NRG1: variants seen among roughly 807,000 people sequenced by gnomAD.
NRG1 encodes pro-neuregulin-1, membrane-bound isoform.
NRG1 carries 18 observed loss-of-function variants against 63.8 expected under a neutral mutation model. The ratio of observed to expected loss-of-function variants is 0.28; its 90% CI spans 0.19 to 0.42. The LOEUF (loss-of-function observed/expected upper bound fraction) is 0.42. Ranked by LOEUF, NRG1 falls within the 10% of genes least tolerant of loss-of-function variation. The probability of loss-of-function intolerance (pLI) is 1.00; values close to 1 mark genes in which losing one functional copy is unlikely to be tolerated. For missense variants in NRG1, 762 were observed against 814.7 expected (o/e 0.94, Z 0.79); for synonymous variants, 302 against 301.3 (o/e 1.00, Z -0.02).
chr8:32,560,177 A>G (rs1210145780), intron 1 of NRG1, among the ~76,000 whole-genome samples: 1 of 151,556 alleles, frequency 6.6e-6, no homozygotes, highest in Non-Finnish European at 1.5e-5. Context: ...ACTTTAAATT[A>G]TTTTATTTAT....
intron 2 of NRG1, among the ~76,000 whole-genome samples, chr8:32,603,570 C>T (rs932219283): frequency 1.3e-5 from 2 of 151,950 alleles, no homozygotes; most frequent in East Asian, 1.9e-4. Context: ...CTCTGCCTCC[C>T]GGATTCAAAT....
chr8:32,608,622 C>A (rs1845763875), intron 3 of NRG1, among the ~76,000 whole-genome samples: 1 of 152,184 alleles, frequency 6.6e-6, no homozygotes, highest in Non-Finnish European at 1.5e-5. Flanking sequence ...TGGCGAAGAA[C>A]TAGAACTTCA....
intron 1 of NRG1, among the ~76,000 whole-genome samples, chr8:32,156,276 T>A (rs1177590598): frequency 2.0e-5 from 3 of 152,250 alleles, no homozygotes; most frequent in Admixed American, 2.0e-4. Flanking sequence ...TTTGTACTGA[T>A]GGTCATGTTC....
intron 1 of NRG1, among the ~76,000 whole-genome samples, chr8:32,159,715 G>A (rs1239618833): frequency 3.3e-5 from 5 of 151,940 alleles, no homozygotes; most frequent in African/African-American, 4.8e-5. Context: ...TTGTGAAAAA[G>A]GCTTACATTA....
intron 5 of NRG1, among the ~76,000 whole-genome samples, chr8:32,706,158 C>G (rs779246550): frequency 6.6e-6 from 1 of 152,186 alleles, no homozygotes; most frequent in African/African-American, 2.4e-5. Context: ...ATCTTTGTCT[C>G]TAATGGATCT....
chr8:31,675,078 C>T (rs752203076), intron 1 of NRG1, among the ~76,000 whole-genome samples: 4 of 152,226 alleles, frequency 2.6e-5, no homozygotes, highest in African/African-American at 4.8e-5. Flanking sequence ...CACAGTGGCT[C>T]ATGCCTGTAA....
chr8:32,400,508 A>G (rs969537322), intron 1 of NRG1, among the ~76,000 whole-genome samples: 1 of 152,232 alleles, frequency 6.6e-6, no homozygotes, highest in Non-Finnish European at 1.5e-5. Flanking sequence ...ACTTTTCAAG[A>G]GAAGATATAC....
chr8:32,669,243 T>C (rs901554658), intron 5 of NRG1, among the ~76,000 whole-genome samples: 14 of 152,178 alleles, frequency 9.2e-5, no homozygotes, highest in African/African-American at 3.1e-4. Flanking sequence ...AAAGATAGAA[T>C]AAAGCATGTA....
intron 1 of NRG1, among the ~76,000 whole-genome samples, chr8:31,965,579 T>C (rs1051112889): frequency 6.6e-6 from 1 of 152,196 alleles, no homozygotes. Context: ...CCAGTAGTGG[T>C]ATTGCTAGGT....
intron 1 of NRG1, among the ~76,000 whole-genome samples, chr8:32,490,086 T>C (rs970416078): frequency 2.6e-5 from 4 of 152,204 alleles, no homozygotes; most frequent in Admixed American, 6.5e-5. Flanking sequence ...GGAGGATATC[T>C]TGAGCTTAGG....
At position 32,221,514 on chromosome 8, in the gene NRG1, A is replaced by G. The variant is rs183431971; in HGVS notation, c.38-374314A>G. Among the ~76,000 whole-genome samples, 3 of 152,344 alleles carry G rather than the reference A, an allele frequency of 2.0e-5. No individual in the cohort carries two copies. In the East Asian group the frequency reaches 5.8e-4, roughly 29 times the overall value. ...AATAGTAAGATGGGGTAAGGCAAAT[A>G]CATAGATATTTTGGAGATCTTATCC... is the stretch of plus-strand genomic sequence containing the variant. On this transcript the variant is annotated intron_variant, in intron 1 of 10. Transcript: ENST00000519301.
At chr8:32,246,293 A>G (rs1451153757) in intron 1 of NRG1, among the ~76,000 whole-genome samples, 3 of 152,178 alleles carry the variant, frequency 2.0e-5, no homozygotes, top group African/African-American at 7.2e-5. Flanking sequence ...AATATCAGCA[A>G]TATTCCAAAC....
intron 1 of NRG1, among the ~76,000 whole-genome samples, chr8:32,208,826 T>C (rs1360131333): frequency 6.6e-6 from 1 of 152,204 alleles, no homozygotes; most frequent in Non-Finnish European, 1.5e-5. Flanking sequence ...GTACTATGAC[T>C]ACTTGGAAGA....
In NRG1 at chr8:32,565,901, A is replaced by C. The variant is rs369419583; in HGVS notation, c.100+17075A>C. On this transcript the variant is annotated intron_variant, in intron 1 of 11. Coordinates refer to ENST00000356819, the Ensembl canonical transcript of NRG1. ...GTCATTCCTCAAGGCATGGGATAGA[A>C]GCACATTCCTGCCGAGAAGGTAAGT... Among the ~76,000 whole-genome samples the C allele has an allele frequency of 1.7e-4, 26 of 152,274 alleles. No homozygotes were observed. In the East Asian group the frequency reaches 3.1e-3, roughly 18 times the overall value.
intron 1 of NRG1, among the ~76,000 whole-genome samples, chr8:31,894,294 C>T (rs1046072066): frequency 3.3e-4 from 50 of 152,138 alleles, no homozygotes; most frequent in African/African-American, 1.2e-3. Flanking sequence ...TTCTTAATAA[C>T]GGTGAAAGTC....
intron 1 of NRG1, among the ~76,000 whole-genome samples, chr8:32,237,263 A>C (rs1847659542): frequency 6.6e-6 from 1 of 152,164 alleles, no homozygotes; most frequent in Non-Finnish European, 1.5e-5. Context: ...CATATTGCAA[A>C]GCTCTATATG....
chr8:32,329,071 C>T (rs1030451510), intron 1 of NRG1, among the ~76,000 whole-genome samples: 4 of 152,168 alleles, frequency 2.6e-5, no homozygotes, highest in African/African-American at 4.8e-5. Context: ...CCAGCTCAAG[C>T]GATCCTCCCA....
At chr8:31,954,543 T>C (rs1804047206) in intron 1 of NRG1, among the ~76,000 whole-genome samples, 1 of 152,240 alleles carries the variant, frequency 6.6e-6, no homozygotes, top group Admixed American at 6.5e-5. Flanking sequence ...GCTAATTGTC[T>C]GTATAGCATG....
chr8:32,465,251 C>T (rs1410219656), intron 1 of NRG1, among the ~76,000 whole-genome samples: 1 of 152,130 alleles, frequency 6.6e-6, no homozygotes, highest in Non-Finnish European at 1.5e-5. Context: ...GATTATGCAA[C>T]CTGGGAAATT....
Sources: allele counts gnomAD v4.1 joint callset (sites outside exome capture counted in the v4.1 genomes callset), GRCh38; gene constraint gnomAD v4.1.1; transcripts MANE v1.5; gene names NCBI Gene and HGNC (gene_info 2026-07-23, HGNC 2026-07-21).